Variants in ARHGEF19 observed in about 807,000 individuals in gnomAD.
ARHGEF19 encodes the protein Rho guanine nucleotide exchange factor 19.
A neutral mutation model predicts 87.6 loss-of-function variants in ARHGEF19; 92 were observed. That is an observed-to-expected ratio of 1.05 (90% confidence interval 0.89 to 1.25). The LOEUF (loss-of-function observed/expected upper bound fraction) is 1.25, where lower values mean the gene tolerates loss of function less well. Among genes scored for constraint, ARHGEF19 ranks in the 50% most tolerant of loss-of-function variants. ARHGEF19 has a pLI of 0.00. For synonymous variants in ARHGEF19, 438 were observed against 446.2 expected, an observed-to-expected ratio of 0.98 and a Z score of 0.23; for missense variants, 1,054 against 1,051.8, an observed-to-expected ratio of 1.00 and a Z score of -0.03.
Position 16,201,896 on chromosome 1 carries a change from C to T in ARHGEF19, c.2067-35G>A, listed in dbSNP as rs746162562. On this transcript the variant is annotated intron_variant, in intron 13 of 15. Coordinates refer to ENST00000270747, the MANE Select transcript of ARHGEF19 (RefSeq NM_153213.5). ...GGGGAGGCTAAGTTGTCACAATATG[C>T]AAAGTGCAGTTGCCCAGGGCAGGGT... 4 of 1,607,068 alleles carry T rather than the reference C, an allele frequency of 2.5e-6. No individual in the cohort carries two copies. The African/African-American group carries it at 4.0e-5, about 16-fold the overall frequency.
In ARHGEF19 at chr1:16,208,246, T is replaced by TGA. The variant is rs777337841; in HGVS notation, c.413-23_413-22dup. 12 of 1,605,524 alleles carry TGA rather than the reference T, an allele frequency of 7.5e-6. No homozygotes were observed. In the African/African-American group the frequency reaches 1.6e-4, roughly 21 times the overall value. On this transcript the variant is annotated intron_variant, in intron 2 of 15. Transcript: ENST00000270747. ...GCGCCCTAGGGTTGGGGGCAAGGAG[T>TGA]GAGAGCACGGGCTGGGGTCTCCCCC...
At chr1:16,201,708 C>T in intron 14 of ARHGEF19, 74 bp downstream of exon 14, 2 of 1,508,282 alleles carry the variant, frequency 1.3e-6, no homozygotes, top group Non-Finnish European at 9.0e-7. Flanking sequence ...AGCAACACAG[C>T]ACCCAGGATG....
chr1:16,202,576 T>C lies in ARHGEF19; in HGVS notation c.1908-2A>G. ...ACGAAAACGGCAAACTTCCCTAGCC[T>C]GGAGGACCGGGGGAGGGGAGGTCAG... On this transcript the variant is annotated splice_acceptor_variant, in intron 12 of 15. Coordinates refer to ENST00000270747, the MANE Select transcript of ARHGEF19 (RefSeq NM_153213.5). LOFTEE classifies it high-confidence loss of function. 6.2e-7 allele frequency: 1 copy of C among 1,611,608 alleles called. No homozygotes were observed. The highest frequency in any genetic ancestry group is 8.5e-7 in the Non-Finnish European group (1 of 1,178,162).
chr1:16,198,669 C>A lies in ARHGEF19; in HGVS notation c.2327G>T (p.Ser776Ile). ...VPQAYVEEIS[S>I]LSARLRNLRE... ...GAGGTTTCGGAGGCGGGCGCTGAGGCTGCTGATCTCTTCCACATAGGCCTG... is the reference window on the plus strand; with the variant it reads ...GAGGTTTCGGAGGCGGGCGCTGAGGATGCTGATCTCTTCCACATAGGCCTG... Residue 776 changes from serine (S) to isoleucine (I), a missense_variant, in exon 16 of 16, where the codon AGC becomes ATC. Coordinates refer to ENST00000270747, the MANE Select transcript of ARHGEF19 (RefSeq NM_153213.5). This position sits in a 1 kb window ranked among gnomAD's most constrained non-coding sequence, Gnocchi z 4.1. 1 of 1,613,818 alleles carries A rather than the reference C, an allele frequency of 6.2e-7. No homozygotes were observed. Among genetic ancestry groups the A allele is most frequent in the East Asian group, 2.2e-5 (1 of 44,880 alleles).
chr1:16,204,894 C>A lies in ARHGEF19; in HGVS notation c.1772G>T (p.Arg591Leu), dbSNP rs781061684. Reference protein sequence around the residue: ...GKIFPLISQARWLVRHGELVE... With the variant: ...GKIFPLISQALWLVRHGELVE... ...CAACTCTCCATGCCGAACCAGCCAG[C>A]GGGCCTGAGAGATCAGCGGGAAAAT... The change falls in exon 12 of 16, where the codon CGC becomes CTC. Residue 591 changes from arginine (R) to leucine (L), a missense_variant. Transcript: ENST00000270747. 1 of 1,602,798 alleles carries A rather than the reference C, an allele frequency of 6.2e-7. No homozygotes were observed. The highest frequency in any genetic ancestry group is 1.3e-5 in the African/African-American group (1 of 74,866).
chr1:16,207,083 G>A lies in ARHGEF19; in HGVS notation c.1002C>T (p.Asn334=), dbSNP rs1191557850. ...CCCGGAAGGAGCTGCTGGGGGAGAG[G>A]TTGGCCCGCGGCGGCCCCGGCCCCT... ...AEEGPGPPRA[N]LSPSSSFRAQ... Residue 334 remains asparagine, a synonymous_variant, in exon 6 of 16, where the codon AAC becomes AAT. Coordinates refer to ENST00000270747, the MANE Select transcript of ARHGEF19 (RefSeq NM_153213.5). This position sits in a 1 kb window ranked among gnomAD's most constrained non-coding sequence, Gnocchi z 4.0. 20 of 1,508,532 alleles carry A rather than the reference G, an allele frequency of 1.3e-5. No homozygotes were observed. The highest frequency in any genetic ancestry group is 1.6e-5 in the Non-Finnish European group (18 of 1,131,376). 93.4% of individuals were successfully genotyped at this position (1,508,532 alleles called of 1,614,324 possible).
intron 13 of ARHGEF19, 39 bp from the exon 14 acceptor site, chr1:16,201,900 G>A (rs770138584): frequency 2.2e-5 from 35 of 1,604,420 alleles, no homozygotes; most frequent in Admixed American, 1.7e-5. Context: ...AATATGCAAA[G>A]TGCAGTTGCC....
chr1:16,208,568 G>A (rs2081167207), intron 2 of ARHGEF19, 75 bp downstream of exon 2: 1 of 1,485,058 alleles, frequency 6.7e-7, no homozygotes, highest in Non-Finnish European at 8.9e-7. Context: ...GGGACATAAA[G>A]GTTAAGGAGC....
intron 1 of ARHGEF19, among the ~76,000 whole-genome samples, chr1:16,210,255 A>C (rs779654840): frequency 2.7e-5 from 4 of 150,062 alleles, no homozygotes; most frequent in African/African-American, 4.9e-5. Flanking sequence ...GATTCATCAA[A>C]CCCTGTGGTG....
At position 16,198,748 on chromosome 1, in the gene ARHGEF19, G is replaced by T; in HGVS notation, c.2252-4C>A. The T allele has an allele frequency of 6.3e-7, 1 of 1,596,986 alleles. No individual in the cohort carries two copies. The highest frequency in any genetic ancestry group is 8.5e-7 in the Non-Finnish European group (1 of 1,170,212). ...AGGCGGACCCCTTCCAGCCAGCCTA[G>T]GGACACATAGGCCAAGAACAACAGC... is the stretch of plus-strand genomic sequence containing the variant. On this transcript the variant is annotated splice_region_variant and splice_polypyrimidine_tract_variant and intron_variant, in intron 15 of 15. Transcript: ENST00000270747. The surrounding 1 kb of genome is among the most constrained non-coding windows in gnomAD (Gnocchi z 4.1).
intron 12 of ARHGEF19, among the ~76,000 whole-genome samples, chr1:16,203,055 T>C (rs764462566): frequency 2.0e-4 from 31 of 151,826 alleles, no homozygotes; most frequent in Non-Finnish European, 3.7e-4. Context: ...CCCTGAGGAG[T>C]GTCTAACTCT....
In ARHGEF19 at chr1:16,206,858, C is replaced by G; in HGVS notation, c.1137+90G>C. On this transcript the variant is annotated intron_variant, in intron 6 of 15. Transcript: ENST00000270747. This position sits in a 1 kb window ranked among gnomAD's most constrained non-coding sequence, Gnocchi z 4.6. ...CGCCAGCAACCCCCTTTGTGTGTCC[C>G]CCTCCCTCTATGGCCCGGTTCCCGC... 2 of 1,356,634 alleles carry G rather than the reference C, an allele frequency of 1.5e-6. No individual in the cohort carries two copies. The highest frequency in any genetic ancestry group is 1.9e-6 in the Non-Finnish European group (2 of 1,054,218). The allele number at this position is 1,356,634 out of a possible 1,614,324, so 84.0% of individuals were successfully genotyped here. A position where few individuals can be genotyped will look rare whatever the true frequency, so the allele number is the denominator to read the frequency against.
In ARHGEF19 at chr1:16,206,379, A is replaced by T; in HGVS notation, c.1138-39T>A. ...CACACGGGGTCGAAAGGGCAGGACC[A>T]GTTCACCTCGGAGGCCCTGGCCTCA... is the stretch of plus-strand genomic sequence containing the variant. On this transcript the variant is annotated intron_variant, in intron 6 of 15. Transcript: ENST00000270747. The surrounding 1 kb of genome is among the most constrained non-coding windows in gnomAD (Gnocchi z 4.6). 1 of 1,560,166 alleles carries T rather than the reference A, an allele frequency of 6.4e-7. No individual in the cohort carries two copies. The highest frequency in any genetic ancestry group is 8.7e-7 in the Non-Finnish European group (1 of 1,151,458).
chr1:16,211,978 C>T (rs965650378), intron 1 of ARHGEF19, among the ~76,000 whole-genome samples: 2 of 152,246 alleles, frequency 1.3e-5, no homozygotes, highest in African/African-American at 2.4e-5. Context: ...AGGCAATTCA[C>T]AGCCCATCCC....
chr1:16,203,530 A>G (rs1008166480), intron 12 of ARHGEF19, among the ~76,000 whole-genome samples: 8 of 152,020 alleles, frequency 5.3e-5, no homozygotes, highest in African/African-American at 1.9e-4. Flanking sequence ...GGAGCAAAAT[A>G]TCATCCCTCT....
At position 16,207,585 on chromosome 1, in the gene ARHGEF19, C is replaced by G. The variant is rs1157560469; in HGVS notation, c.811G>C (p.Glu271Gln). 6.2e-7 allele frequency: 1 copy of G among 1,613,872 alleles called. No individual in the cohort carries two copies. The highest frequency in any genetic ancestry group is 8.5e-7 in the Non-Finnish European group (1 of 1,180,008). Residue 271 changes from glutamate to glutamine, a missense_variant, in exon 5 of 16, where the codon GAA becomes CAA. Transcript: ENST00000270747. The surrounding 1 kb of genome is among the most constrained non-coding windows in gnomAD (Gnocchi z 4.0). Reference sequence around the variant, plus strand: ...CTCCTGGACCCCAAAGGCGGCTCTTCCTGTGTGTCTAGCCTAGGAAAGAGA... The same window carrying G: ...CTCCTGGACCCCAAAGGCGGCTCTTGCTGTGTGTCTAGCCTAGGAAAGAGA... ...DWSEPRLDTQ[E>Q]EPPLGSRSTN...
At chr1:16,202,360 G>C in intron 13 of ARHGEF19, 56 bp downstream of exon 13, 1 of 1,531,860 alleles carries the variant, frequency 6.5e-7, no homozygotes, top group East Asian at 2.4e-5. Context: ...CATGGGGACG[G>C]GGTGCCTGTC....
chr1:16,204,760 C>G lies in ARHGEF19; in HGVS notation c.1906G>C (p.Glu636Gln), dbSNP rs751559345. 6 of 1,592,626 alleles carry G rather than the reference C, an allele frequency of 3.8e-6. No individual in the cohort carries two copies. Among genetic ancestry groups the G allele is most frequent in the Non-Finnish European group, 4.3e-6 (5 of 1,165,968 alleles). Residue 636 changes from glutamate to glutamine, a missense_variant and splice_region_variant, in exon 12 of 16, where the codon GAG becomes CAG. Coordinates refer to ENST00000270747, the MANE Select transcript of ARHGEF19 (RefSeq NM_153213.5). Reference protein sequence around the residue: ...NDCLLLSRRKELGKFAVFVHA... With the variant: ...NDCLLLSRRKQLGKFAVFVHA... Reference sequence around the variant, plus strand: ...CCACCCCTGACTGCCCCGACTCACTCCTTCCGCCGAGAGAGCAGCAAGCAG... The same window carrying G: ...CCACCCCTGACTGCCCCGACTCACTGCTTCCGCCGAGAGAGCAGCAAGCAG...
chr1:16,199,487 TC>T (rs1238113923), intron 14 of ARHGEF19, among the ~76,000 whole-genome samples: 1 of 151,978 alleles, frequency 6.6e-6, no homozygotes, highest in Non-Finnish European at 1.5e-5. Flanking sequence ...ATTAATCCAG[TC>T]CCTCCCAGCT....
Sources: gnomAD v4.1 joint callset for allele counts (sites outside exome capture counted in the v4.1 genomes callset) on GRCh38, gnomAD v4.1.1 for gene constraint, Gnocchi (gnomAD v3.1) non-coding constraint, MANE v1.5 for transcripts, NCBI Gene and HGNC (gene_info 2026-07-23, HGNC 2026-07-21) for gene names.